Variants in UNC80 observed in about 807,000 individuals in gnomAD.
UNC80 encodes protein unc-80 homolog.
A neutral mutation model predicts 384.6 loss-of-function variants in UNC80; 164 were observed. The ratio of observed to expected loss-of-function variants is 0.43; its 90% CI spans 0.38 to 0.49. The LOEUF (loss-of-function observed/expected upper bound fraction) is 0.49. Ranked by LOEUF, UNC80 falls within the 20% of genes least tolerant of loss-of-function variation. The probability of loss-of-function intolerance (pLI) is 0.00; values close to 1 mark genes in which losing one functional copy is unlikely to be tolerated. For missense variants in UNC80, 3,330 were observed against 4,143.0 expected, an observed-to-expected ratio of 0.80 and a Z score of 5.39; for synonymous variants, 1,486 against 1,527.8, an observed-to-expected ratio of 0.97 and a Z score of 0.64.
At chr2:209,909,482 T>C (rs1231617092) in intron 29 of UNC80, among the ~76,000 whole-genome samples, 9 of 152,174 alleles carry the variant, frequency 5.9e-5, no homozygotes. Context: ...ACAGACATTT[T>C]ATCCCCTGGC....
chr2:209,807,757 T>G (rs2079000746), intron 7 of UNC80, among the ~76,000 whole-genome samples: 1 of 152,236 alleles, frequency 6.6e-6, no homozygotes, highest in African/African-American at 2.4e-5. Flanking sequence ...GGTGATACTT[T>G]GATCGTACCT....
intron 24 of UNC80, among the ~76,000 whole-genome samples, chr2:209,880,665 G>C (rs916478960): frequency 2.0e-5 from 3 of 152,134 alleles, no homozygotes; most frequent in South Asian, 2.1e-4. Flanking sequence ...ATGCTTTAAG[G>C]AAAATAATTT....
chr2:209,913,828 A>G lies in UNC80; in HGVS notation c.4917A>G (p.Leu1639=). Reference sequence around the variant, plus strand: ...TGATGAGCTTGTCGCCTGCTCCCTTATCTCTGTTAATCAAGGCAGCACCAA... The same window carrying G: ...TGATGAGCTTGTCGCCTGCTCCCTTGTCTCTGTTAATCAAGGCAGCACCAA... ...LQVMSLSPAP[L]SLLIKAAPIL... The change falls in exon 31 of 65, where the codon TTA becomes TTG. Residue 1639 remains leucine, a synonymous_variant. Transcript: ENST00000673920. The G allele has an allele frequency of 6.4e-7, 1 of 1,550,572 alleles. No homozygotes were observed. The highest frequency in any genetic ancestry group is 8.7e-7 in the Non-Finnish European group (1 of 1,146,126).
At chr2:209,826,988 A>T (rs940693846) in intron 14 of UNC80, among the ~76,000 whole-genome samples, 1 of 151,802 alleles carries the variant, frequency 6.6e-6, no homozygotes, top group Non-Finnish European at 1.5e-5. Context: ...ATCATCTCTC[A>T]TCTATCTATC....
At chr2:209,913,973 C>T in intron 31 of UNC80, 33 bp downstream of exon 31, 2 of 1,513,692 alleles carry the variant, frequency 1.3e-6, no homozygotes, top group Non-Finnish European at 8.9e-7. Context: ...CCTGTGCCTG[C>T]TGCCACTGCT....
intron 12 of UNC80, among the ~76,000 whole-genome samples, chr2:209,819,667 T>A (rs139723366): frequency 0.012 from 1,819 of 152,262 alleles, 39 homozygotes; most frequent in African/African-American, 0.04. Flanking sequence ...TTCTTAAAAG[T>A]TTTAAGCTTG....
chr2:209,828,030 AC>A, intron 14 of UNC80, among the ~76,000 whole-genome samples: 1 of 152,198 alleles, frequency 6.6e-6, no homozygotes, highest in Middle Eastern at 3.2e-3. Context: ...GCTTGCTTAA[AC>A]TTCCCACTGA....
chr2:209,810,745 A>G (rs1479760931), intron 7 of UNC80, among the ~76,000 whole-genome samples: 2 of 152,208 alleles, frequency 1.3e-5, no homozygotes, highest in African/African-American at 2.4e-5. Flanking sequence ...AGCTATTCCA[A>G]TGGGGAGGAA....
chr2:209,808,167 A>G (rs2153826814), intron 7 of UNC80, among the ~76,000 whole-genome samples: 1 of 152,274 alleles, frequency 6.6e-6, no homozygotes, highest in East Asian at 1.9e-4. Flanking sequence ...CAAACAATAC[A>G]TTTTGTATAT....
chr2:209,896,187 G>A (rs1385119370), intron 27 of UNC80, 126 bp from the exon 28 acceptor site: 4 of 781,540 alleles, frequency 5.1e-6, no homozygotes, highest in East Asian at 5.4e-5. Flanking sequence ...TCAATGCTAT[G>A]CCCTGTAACC....
intron 28 of UNC80, 23 bp from the exon 29 acceptor site, chr2:209,904,742 T>C: frequency 6.4e-7 from 1 of 1,550,800 alleles, no homozygotes; most frequent in South Asian, 1.2e-5. Flanking sequence ...CCTGGCTGAG[T>C]CTCAGGAATG....
intron 8 of UNC80, among the ~76,000 whole-genome samples, chr2:209,814,836 G>A (rs541592464): frequency 6.6e-6 from 1 of 152,162 alleles, no homozygotes; most frequent in Admixed American, 6.5e-5. Context: ...ATTTTTTTCT[G>A]CATATTCTGA....
intron 7 of UNC80, among the ~76,000 whole-genome samples, chr2:209,805,713 C>T (rs536375860): frequency 1.3e-5 from 2 of 151,916 alleles, no homozygotes; most frequent in Non-Finnish European, 2.9e-5. Context: ...ACCTAATCTT[C>T]TATAACCTAA....
intron 18 of UNC80, among the ~76,000 whole-genome samples, chr2:209,838,056 C>T (rs563206452): frequency 1.6e-3 from 250 of 152,258 alleles, no homozygotes; most frequent in African/African-American, 5.7e-3. Context: ...CAGGTGTGAG[C>T]CACTGCGCCC....
chr2:209,793,934 G>A (rs962709133), intron 7 of UNC80, 75 bp downstream of exon 7: 77 of 1,550,674 alleles, frequency 5.0e-5, no homozygotes, highest in Admixed American at 1.4e-4. Flanking sequence ...TAACTACTTC[G>A]ATAGCCTCTG....
intron 13 of UNC80, among the ~76,000 whole-genome samples, chr2:209,823,842 A>T (rs2153828070): frequency 6.6e-6 from 1 of 152,176 alleles, no homozygotes; most frequent in African/African-American, 2.4e-5. Context: ...TAAATGTTGA[A>T]GCTAAAATCG....
Position 209,973,280 on chromosome 2 carries a change from TTCTCTC to T in UNC80, c.8587+22_8587+27del, listed in dbSNP as rs141804658. 274 of 1,518,558 alleles carry T rather than the reference TTCTCTC, an allele frequency of 1.8e-4. No individual in the cohort carries two copies. The highest frequency in any genetic ancestry group is 5.6e-5 in the Non-Finnish European group (63 of 1,126,212). The allele number at this position is 1,518,558 out of a possible 1,614,324, so 94.1% of individuals were successfully genotyped here. ...CAAGCAGCATACTTGGGTTGGTACT[TTCTCTC>T]TCTCTCTCTCTGTTTGTGCATGTGT... is the stretch of plus-strand genomic sequence containing the variant. On this transcript the variant is annotated intron_variant, in intron 56 of 64. Transcript: ENST00000673920.
intron 23 of UNC80, among the ~76,000 whole-genome samples, chr2:209,874,829 G>T (rs1488961987): frequency 1.3e-5 from 2 of 152,074 alleles, no homozygotes; most frequent in East Asian, 3.9e-4. Context: ...TAATATCCTA[G>T]AACTCAATCT....
chr2:209,970,087 C>A, intron 53 of UNC80, 196 bp downstream of exon 53: 1 of 644,394 alleles, frequency 1.6e-6, no homozygotes, highest in Non-Finnish European at 2.5e-6. Flanking sequence ...CATCCCTACA[C>A]AGAAGGGATT....
Sources: allele counts gnomAD v4.1 joint callset (sites outside exome capture counted in the v4.1 genomes callset), GRCh38; gene constraint gnomAD v4.1.1; transcripts MANE v1.5; gene names NCBI Gene and HGNC (gene_info 2026-07-23, HGNC 2026-07-21).